The following IL13RA1 variants were observed in gnomAD, a reference collection of about 807,000 sequenced individuals.
IL13RA1 encodes the protein interleukin 13 receptor subunit alpha 1, also known as interleukin-13 receptor subunit alpha-1.
A neutral mutation model predicts 33.8 loss-of-function variants in IL13RA1; 14 were observed. That is an observed-to-expected ratio of 0.41 (90% CI 0.27 to 0.65). IL13RA1 has a LOEUF of 0.65. Among genes scored for constraint, IL13RA1 ranks in the 30% least tolerant of loss-of-function variants. IL13RA1 has a pLI of 0.28. For missense variants in IL13RA1, 313 were observed against 327.0 expected (o/e 0.96, Z 0.33); for synonymous variants, 116 against 115.7 (o/e 1.00, Z -0.02).
intron 10 of IL13RA1, among the ~76,000 whole-genome samples, chrX:118,784,371 T>C (rs1043819401): frequency 2.7e-5 from 3 of 109,238 alleles, no homozygotes; most frequent in South Asian, 7.9e-4. Context: ...TTCATACTTA[T>C]GGAACCTTTA....
intron 4 of IL13RA1, among the ~76,000 whole-genome samples, chrX:118,752,114 C>T (rs145355912): frequency 6.7e-4 from 74 of 110,254 alleles, no homozygotes; most frequent in South Asian, 1.2e-3. Context: ...TGTAGTTTCA[C>T]CTGCTCACTC....
intron 10 of IL13RA1, among the ~76,000 whole-genome samples, chrX:118,782,802 A>G (rs2147399188): frequency 9.4e-6 from 1 of 106,422 alleles, no homozygotes; most frequent in African/African-American, 3.4e-5. Context: ...GGCTTTTGCC[A>G]TGTTGCCCAG....
At chrX:118,755,424 G>C (rs2017519618) in intron 4 of IL13RA1, among the ~76,000 whole-genome samples, 1 of 109,756 alleles carries the variant, frequency 9.1e-6, no homozygotes, top group East Asian at 2.8e-4. Context: ...TTCTGAGTTG[G>C]GAGAATAGTC....
chrX:118,754,988 C>T (rs1348694939), intron 4 of IL13RA1, among the ~76,000 whole-genome samples: 2 of 86,848 alleles, frequency 2.3e-5, no homozygotes, highest in Non-Finnish European at 4.3e-5. Context: ...CTCATTCTGT[C>T]GCCAGGCTGG....
chrX:118,727,905 G>A (rs2147359314), intron 1 of IL13RA1, among the ~76,000 whole-genome samples, 179 bp downstream of exon 1: 1 of 112,483 alleles, frequency 8.9e-6, no homozygotes, highest in East Asian at 2.9e-4. Context: ...GATCTCTGGG[G>A]CCCGGTACTG....
intron 10 of IL13RA1, among the ~76,000 whole-genome samples, chrX:118,782,938 G>A (rs754814395): frequency 3.7e-5 from 4 of 108,741 alleles, no homozygotes; most frequent in East Asian, 2.9e-4. Flanking sequence ...TGATTTTAAG[G>A]TGTGGAGATC....
intron 6 of IL13RA1, among the ~76,000 whole-genome samples, chrX:118,763,583 T>C (rs772895264): frequency 8.9e-6 from 1 of 112,551 alleles, no homozygotes; most frequent in Admixed American, 9.4e-5. Flanking sequence ...TGCTCTTCTA[T>C]GTGCTTCTTA....
At chrX:118,778,815 C>T (rs982080443) in intron 10 of IL13RA1, among the ~76,000 whole-genome samples, 2 of 112,215 alleles carry the variant, frequency 1.8e-5, no homozygotes, top group Non-Finnish European at 3.8e-5. Flanking sequence ...ATTGAATCTT[C>T]ATAACCACCC....
At chrX:118,786,213 A>G (rs1372852849) in intron 10 of IL13RA1, among the ~76,000 whole-genome samples, 1 of 109,843 alleles carries the variant, frequency 9.1e-6, no homozygotes, top group Non-Finnish European at 1.9e-5. Flanking sequence ...ACATAGCAAA[A>G]CCCCGTCTCT....
intron 4 of IL13RA1, among the ~76,000 whole-genome samples, chrX:118,753,336 A>G (rs1177364757): frequency 8.9e-6 from 1 of 112,769 alleles, no homozygotes; most frequent in African/African-American, 3.2e-5. Flanking sequence ...GACCAATTTG[A>G]AAAAGCATTC....
intron 4 of IL13RA1, among the ~76,000 whole-genome samples, chrX:118,753,614 C>T (rs1008812810): frequency 5.3e-5 from 6 of 113,267 alleles, no homozygotes. Flanking sequence ...GCGGCTTCAA[C>T]CACCCAGGCC....
intron 10 of IL13RA1, among the ~76,000 whole-genome samples, chrX:118,784,717 A>G (rs918230491): frequency 2.7e-5 from 3 of 111,915 alleles, no homozygotes; most frequent in Non-Finnish European, 3.8e-5. Flanking sequence ...TTCCTGAATT[A>G]TTTACAAATT....
chrX:118,797,706 C>T (rs1302911930), downstream of IL13RA1, among the ~76,000 whole-genome samples: 3 of 112,037 alleles, frequency 2.7e-5, no homozygotes, highest in African/African-American at 3.2e-5. Flanking sequence ...CCTTAGAAGC[C>T]GAGAAATTGG....
At chrX:118,746,207 G>A (rs368940526) in intron 2 of IL13RA1, among the ~76,000 whole-genome samples, 3 of 110,144 alleles carry the variant, frequency 2.7e-5, no homozygotes, top group South Asian at 3.9e-4. Flanking sequence ...GCAGCCTCCC[G>A]CTCCCAGGCT....
intron 10 of IL13RA1, among the ~76,000 whole-genome samples, chrX:118,779,946 G>C (rs1239213312): frequency 8.9e-6 from 1 of 111,989 alleles, no homozygotes; most frequent in Non-Finnish European, 1.9e-5. Flanking sequence ...TCAATTTGCT[G>C]TCTAGAGGAT....
rs531481563 is a variant in IL13RA1, at chrX:118,731,258, G to A, written c.88+3532G>A. ...TACTTGTTCTGTCTCAAAGGCCAGG[G>A]ACACATATCAATTCAACAGAAAACC... On this transcript the variant is annotated intron_variant, in intron 1 of 10. Coordinates refer to ENST00000371666, the MANE Select transcript of IL13RA1 (RefSeq NM_001560.3). Among the ~76,000 whole-genome samples, 186 of 111,551 alleles carry A rather than the reference G, an allele frequency of 1.7e-3. 5 individuals are homozygous for A. In the South Asian group the frequency reaches 0.037, roughly 22 times the overall value.
chrX:118,801,339 C>T, the IL13RA1 span, among the ~76,000 whole-genome samples: 2 of 111,709 alleles, frequency 1.8e-5, no homozygotes, highest in East Asian at 5.6e-4. Flanking sequence ...AATGATATGC[C>T]TTATTGTGGA....
chrX:118,784,685 G>A (rs1418380159), intron 10 of IL13RA1, among the ~76,000 whole-genome samples: 1 of 111,589 alleles, frequency 9.0e-6, no homozygotes. Context: ...GTTTTCTCAG[G>A]AAGTATTCAT....
intron 10 of IL13RA1, among the ~76,000 whole-genome samples, chrX:118,787,016 G>A (rs1346578544): frequency 8.9e-6 from 1 of 112,234 alleles, no homozygotes; most frequent in African/African-American, 3.2e-5. Flanking sequence ...TTTTGGTCCT[G>A]TAACTATCTC....
Sources: gnomAD v4.1 joint callset for allele counts (sites outside exome capture counted in the v4.1 genomes callset) on GRCh38, gnomAD v4.1.1 for gene constraint, MANE v1.5 for transcripts, NCBI Gene and HGNC (gene_info 2026-07-23, HGNC 2026-07-21) for gene names.